The following GALP variants were observed in gnomAD, a reference collection of about 807,000 sequenced individuals.
The protein encoded by GALP is galanin like peptide.
A neutral mutation model predicts 15.2 loss-of-function variants in GALP; 12 were observed. That is an observed-to-expected ratio of 0.79 (90% CI 0.51 to 1.28). The LOEUF is 1.28. GALP is among the 50% of genes most tolerant of loss of function. GALP has a pLI of 0.00. For missense variants in GALP, 161 were observed against 145.6 expected, an observed-to-expected ratio of 1.11 and a Z score of -0.55; for synonymous variants, 58 against 55.1, an observed-to-expected ratio of 1.05 and a Z score of -0.23.
Position 56,176,918 on chromosome 19 carries a change from C to T in GALP, c.-39-152C>T, listed in dbSNP as rs1380337125. On this transcript the variant is annotated intron_variant, in intron 1 of 5. Transcript: ENST00000357330. ...AAGGAGAGGCTTAATTGCTTGCACA[C>T]GTCCAAACTCCTCAAGATGTGTACA... Among the ~76,000 whole-genome samples, 3 of 128,390 alleles carry T rather than the reference C, an allele frequency of 2.3e-5. 1 individual carries two copies. Among genetic ancestry groups the T allele is most frequent in the Non-Finnish European group, 1.6e-5 (1 of 61,952 alleles). The allele number at this position is 128,390 out of a possible 152,430, so 84.2% of individuals were successfully genotyped here.
rs201851941 is a variant in GALP at position 56,182,156 on chromosome 19, C to T, written c.137-16C>T. The T allele has an allele frequency of 1.5e-4, 240 of 1,599,840 alleles. No homozygotes were observed. The highest frequency in any genetic ancestry group is 2.5e-4 in the Admixed American group (15 of 59,966). On this transcript the variant is annotated splice_polypyrimidine_tract_variant and intron_variant, in intron 3 of 5. Coordinates refer to ENST00000357330, the MANE Select transcript of GALP (RefSeq NM_033106.4). ...TTAACCGACCACCTGCTCTTGCTCT[C>T]TCCCTCCCTACCCAGTCCTCCACCT...
At chr19:56,183,992 A>G (rs1439839717) in intron 5 of GALP, among the ~76,000 whole-genome samples, 2 of 148,956 alleles carry the variant, frequency 1.3e-5, no homozygotes, top group Non-Finnish European at 3.0e-5. Context: ...GTCCCTCTCT[A>G]TTGCCCAGGC....
intron 3 of GALP, 43 bp from the exon 4 acceptor site, chr19:56,182,129 A>C (rs766805456): frequency 2.0e-5 from 28 of 1,390,464 alleles, no homozygotes; most frequent in Non-Finnish European, 2.7e-5. Context: ...CTTCAGTTCT[A>C]CTTAACCGAC....
At chr19:56,182,290 C>A in intron 4 of GALP, 38 bp downstream of exon 4, 1 of 1,489,092 alleles carries the variant, frequency 6.7e-7, no homozygotes, top group Non-Finnish European at 9.4e-7. Context: ...CTCCTGCGTC[C>A]TCCCCTGCGG....
intron 3 of GALP, among the ~76,000 whole-genome samples, chr19:56,180,915 CTTTTT>C (rs1174325788): frequency 2.8e-3 from 112 of 40,138 alleles, no homozygotes; most frequent in African/African-American, 9.2e-3. Context: ...TTCTTTCTTT[CTTTTT>C]TTTTTTTTTT....
chr19:56,177,042 A>G, intron 1 of GALP, 28 bp from the exon 2 acceptor site: 1 of 1,289,368 alleles, frequency 7.8e-7, no homozygotes, highest in Non-Finnish European at 1.1e-6. Flanking sequence ...CCCGCTTCGG[A>G]AAATGACTGG....
chr19:56,180,814 G>C (rs1419618235), intron 3 of GALP, among the ~76,000 whole-genome samples, 180 bp downstream of exon 3: 1 of 151,866 alleles, frequency 6.6e-6, no homozygotes, highest in Non-Finnish European at 1.5e-5. Flanking sequence ...TCTGGAGCCA[G>C]AGCCTTGGGC....
intron 2 of GALP, among the ~76,000 whole-genome samples, 164 bp downstream of exon 2, chr19:56,177,359 A>C (rs1050974225): frequency 6.6e-6 from 1 of 152,006 alleles, no homozygotes; most frequent in Non-Finnish European, 1.5e-5. Flanking sequence ...AAAAACACAA[A>C]AATTAGCCGG....
intron 2 of GALP, among the ~76,000 whole-genome samples, chr19:56,177,994 C>G (rs994717013): frequency 6.6e-6 from 1 of 152,090 alleles, no homozygotes; most frequent in Non-Finnish European, 1.5e-5. Context: ...GTGTTGTATA[C>G]TTGAAAATTG....
chr19:56,180,819 T>G (rs2032551127), intron 3 of GALP, among the ~76,000 whole-genome samples, 185 bp downstream of exon 3: 1 of 151,734 alleles, frequency 6.6e-6, no homozygotes, highest in Non-Finnish European at 1.5e-5. Context: ...AGCCAGAGCC[T>G]TGGGCCCAAA....
chr19:56,184,705 G>C (rs548437393), intron 5 of GALP, among the ~76,000 whole-genome samples: 39 of 151,132 alleles, frequency 2.6e-4, no homozygotes, highest in African/African-American at 7.8e-4. Context: ...GGATGGTCTC[G>C]ATCTCCTGAC....
Position 56,183,688 on chromosome 19 carries a change from T to C in GALP, c.295+476T>C, listed in dbSNP as rs187129812. On this transcript the variant is annotated intron_variant, in intron 5 of 5. Coordinates refer to ENST00000357330, the MANE Select transcript of GALP (RefSeq NM_033106.4). ...TCTTGGCTGACTGCAACCTCCACCT[T>C]CCGTGTTCAAGCGATTCTTCTGCCT... 4.6e-5 allele frequency among the ~76,000 whole-genome samples: 7 copies of C among 152,098 alleles called. No homozygotes were observed. The East Asian group carries it at 9.7e-4, about 21-fold the overall frequency.
rs1302998200 is a variant in GALP at position 56,180,702 on chromosome 19, T to C, written c.136+68T>C. On this transcript the variant is annotated intron_variant, in intron 3 of 5. Coordinates refer to ENST00000357330, the MANE Select transcript of GALP (RefSeq NM_033106.4). Reference sequence around the variant, plus strand: ...TGCCTGGTTGCTGCAGGCAGTGAGTTTGTGGCTTGTAAAGACCCTCACCCA... The same window carrying C: ...TGCCTGGTTGCTGCAGGCAGTGAGTCTGTGGCTTGTAAAGACCCTCACCCA... 61 of 1,324,296 alleles carry C rather than the reference T, an allele frequency of 4.6e-5. No homozygotes were observed. In the Admixed American group the frequency reaches 9.6e-4, roughly 21 times the overall value. 82.0% of individuals were successfully genotyped at this position (1,324,296 alleles called of 1,614,324 possible).
Position 56,185,410 on chromosome 19 carries a change from A to C in GALP, c.*140A>C. On this transcript the variant is annotated 3_prime_UTR_variant, in exon 6 of 6. Transcript: ENST00000357330. ...CATGAAGACATTGTAAAGCATTTGAATTATTCTAAAAAATTTCTGGAGTTT... is the reference window on the plus strand; with the variant it reads ...CATGAAGACATTGTAAAGCATTTGACTTATTCTAAAAAATTTCTGGAGTTT... The C allele has an allele frequency of 1.9e-6, 1 of 517,200 alleles. No homozygotes were observed. 32.0% of individuals were successfully genotyped at this position (517,200 alleles called of 1,614,324 possible). A position where few individuals can be genotyped will look rare whatever the true frequency, so the allele number is the denominator to read the frequency against.
Position 56,182,251 on chromosome 19 carries a change from C to T in GALP, c.216C>T (p.Ile72=), listed in dbSNP as rs3745833. ...AGATCCTAGACCTGTGGAAGGCCAT[C>T]GGTGAGTGAGCGGGGAGTTAGACGT... The part of the protein sequence containing the change: ...ALEILDLWKA[I]DGLPYSHPPQ... Residue 72 remains isoleucine, a splice_region_variant and synonymous_variant, in exon 4 of 6, where the codon ATC becomes ATT. Coordinates refer to ENST00000357330, the MANE Select transcript of GALP (RefSeq NM_033106.4). 1.1e-4 allele frequency: 171 copies of T among 1,611,470 alleles called. No individual in the cohort carries two copies. The highest frequency in any genetic ancestry group is 8.8e-4 in the South Asian group (80 of 91,020).
chr19:56,184,414 C>T (rs958933513), intron 5 of GALP, among the ~76,000 whole-genome samples: 2 of 152,118 alleles, frequency 1.3e-5, no homozygotes, highest in Admixed American at 6.6e-5. Flanking sequence ...CAGCTTGTCC[C>T]ACCTTCCTTT....
chr19:56,180,918 T>TCTTTC (rs1555786203), intron 3 of GALP, among the ~76,000 whole-genome samples: 6 of 100,700 alleles, frequency 6.0e-5, no homozygotes, highest in African/African-American at 2.3e-4. Flanking sequence ...TTTCTTTCTT[T>TCTTTC]TTTTTTTTTT....
chr19:56,182,232 TA>T lies in GALP; in HGVS notation c.198del (p.Asp67ThrfsTer22), dbSNP rs1015004378. 2.0e-5 allele frequency: 33 copies of T among 1,613,738 alleles called. No homozygotes were observed. Among genetic ancestry groups the T allele is most frequent in the Non-Finnish European group, 2.6e-5 (31 of 1,179,740 alleles). ...DGKRETALEI[L>X]DLWKAIDGLP... ...AAGAGGGAGACAGCCCTTGAGATCC[TA>T]GACCTGTGGAAGGCCATCGGTGAGT... On this transcript the variant is annotated frameshift_variant, in exon 4 of 6. Coordinates refer to ENST00000357330, the MANE Select transcript of GALP (RefSeq NM_033106.4). LOFTEE classifies it high-confidence loss of function.
At position 56,185,544 on chromosome 19, in the gene GALP, T is replaced by G. The variant is rs1338106399; in HGVS notation, c.*274T>G. 9.9e-6 allele frequency: 3 copies of G among 303,888 alleles called. No individual in the cohort carries two copies. The highest frequency in any genetic ancestry group is 1.8e-5 in the Non-Finnish European group (3 of 167,070). 18.8% of individuals were successfully genotyped at this position (303,888 alleles called of 1,614,324 possible). A position where few individuals can be genotyped will look rare whatever the true frequency, so the allele number is the denominator to read the frequency against. On this transcript the variant is annotated 3_prime_UTR_variant, in exon 6 of 6. Transcript: ENST00000357330. The stretch of plus-strand genomic sequence containing the variant: ...TTCTGGGGTAATCAGGGAATATTCC[T>G]GCAACACATTTAAAGGAATTGTGTT...
Sources: gnomAD v4.1 joint callset for allele counts (sites outside exome capture counted in the v4.1 genomes callset) on GRCh38, gnomAD v4.1.1 for gene constraint, MANE v1.5 for transcripts, NCBI Gene and HGNC (gene_info 2026-07-23, HGNC 2026-07-21) for gene names.